Variants in KRCC1 observed in about 807,000 individuals in gnomAD.
KRCC1 encodes the protein lysine rich coiled-coil 1, also known as lysine-rich coiled-coil protein 1.
Under a neutral mutation model 7.4 loss-of-function variants are expected in KRCC1, and 3 were observed. The observed-to-expected ratio is 0.40, with a 90% CI of 0.18 to 1.04. The LOEUF (loss-of-function observed/expected upper bound fraction) is 1.04, where lower values mean the gene tolerates loss of function less well. Ranked by LOEUF, KRCC1 falls within the 50% of genes least tolerant of loss-of-function variation. The pLI, the probability that KRCC1 is intolerant of heterozygous loss-of-function variation, is 0.33. For synonymous variants in KRCC1, 102 were observed against 101.6 expected, an observed-to-expected ratio of 1.00 and a Z score of -0.02; for missense variants, 277 against 300.9, an observed-to-expected ratio of 0.92 and a Z score of 0.59.
At chr2:88,042,541 C>T (rs1367414783) in intron 1 of KRCC1, among the ~76,000 whole-genome samples, 1 of 151,970 alleles carries the variant, frequency 6.6e-6, no homozygotes, top group Admixed American at 6.6e-5. Flanking sequence ...CCTCAGCCAC[C>T]AGAATAGCTA....
chr2:88,049,543 G>T (rs1673421619), intron 1 of KRCC1, among the ~76,000 whole-genome samples: 1 of 152,190 alleles, frequency 6.6e-6, no homozygotes, highest in South Asian at 2.1e-4. Flanking sequence ...ACCTACTTAG[G>T]AGGCTGAGGT....
chr2:88,040,055 A>C (rs148097209), intron 1 of KRCC1, among the ~76,000 whole-genome samples: 12 of 152,280 alleles, frequency 7.9e-5, no homozygotes, highest in African/African-American at 2.6e-4. Flanking sequence ...GTGACAAACA[A>C]ATCAGAATAC....
At position 88,027,868 on chromosome 2, in the gene KRCC1, A is replaced by G. The variant is rs12999878; in HGVS notation, c.696T>C (p.Arg232=). ...GTTCCTTTTTCTTTTTTGTACGCTT[A>G]CGTTCCTCTTTCTTAGAGACTACAT... ...SRDVVSKKEE[R]KRTKKKKEQG... Residue 232 remains arginine (R), a synonymous_variant, in exon 4 of 4, where the codon CGT becomes CGC. Transcript: ENST00000347055. The G allele has an allele frequency of 1.8e-3, 2,938 of 1,613,416 alleles. 7 individuals are homozygous for G. Among genetic ancestry groups the G allele is most frequent in the Non-Finnish European group, 2.1e-3 (2,435 of 1,179,900 alleles).
At chr2:88,049,336 C>T (rs1387327846) in intron 1 of KRCC1, among the ~76,000 whole-genome samples, 2 of 152,176 alleles carry the variant, frequency 1.3e-5, no homozygotes, top group Non-Finnish European at 2.9e-5. Flanking sequence ...ATGCGCCATT[C>T]CTTCTAATGG....
chr2:88,049,858 A>G (rs1426298291), intron 1 of KRCC1, among the ~76,000 whole-genome samples: 1 of 152,224 alleles, frequency 6.6e-6, no homozygotes, highest in African/African-American at 2.4e-5. Flanking sequence ...CAGGCTGCCA[A>G]CTTCAGATCT....
chr2:88,051,186 A>C (rs1011793816), intron 1 of KRCC1, among the ~76,000 whole-genome samples: 2 of 151,940 alleles, frequency 1.3e-5, no homozygotes, highest in Admixed American at 6.6e-5. Flanking sequence ...TTGACCTCTC[A>C]AAGTGTTGGG....
chr2:88,027,886 G>A lies in KRCC1; in HGVS notation c.678C>T (p.Val226=). Residue 226 remains valine, a synonymous_variant, in exon 4 of 4, where the codon GTC becomes GTT. Transcript: ENST00000347055. The part of the protein sequence containing the change: ...NRKEKKSRDV[V]SKKEERKRTK... The stretch of plus-strand genomic sequence containing the variant: ...TACGCTTACGTTCCTCTTTCTTAGA[G>A]ACTACATCTCGGCTTTTTTTCTCCT... The A allele has an allele frequency of 6.2e-7, 1 of 1,613,918 alleles. No homozygotes were observed.
intron 1 of KRCC1, among the ~76,000 whole-genome samples, chr2:88,040,993 G>A (rs1673199534): frequency 6.6e-6 from 1 of 152,210 alleles, no homozygotes. Flanking sequence ...GTGAAAGACA[G>A]TGCTAAAGGT....
At chr2:88,047,917 T>C in intron 1 of KRCC1, among the ~76,000 whole-genome samples, 1 of 152,212 alleles carries the variant, frequency 6.6e-6, no homozygotes, top group Non-Finnish European at 1.5e-5. Flanking sequence ...AATTTGGTTA[T>C]ATTTTAGGTG....
intron 3 of KRCC1, among the ~76,000 whole-genome samples, chr2:88,032,788 T>A (rs1673019863): frequency 1.3e-5 from 2 of 152,188 alleles, no homozygotes; most frequent in South Asian, 2.1e-4. Flanking sequence ...AAAATAATTG[T>A]AATTCTTTTT....
intron 1 of KRCC1, among the ~76,000 whole-genome samples, chr2:88,044,401 C>CAAAAAAAAA (rs10527729): frequency 1.0e-4 from 15 of 146,632 alleles, no homozygotes; most frequent in Admixed American, 2.0e-4. Context: ...CAAAAGAAAA[C>CAAAAAAAAA]AAAAAAAAAA....
At chr2:88,043,068 C>T (rs747840735) in intron 1 of KRCC1, among the ~76,000 whole-genome samples, 1 of 152,174 alleles carries the variant, frequency 6.6e-6, no homozygotes, top group Non-Finnish European at 1.5e-5. Flanking sequence ...TTGTACTACA[C>T]TGAAGTCTTA....
At chr2:88,037,687 G>A (rs1475088796) in intron 1 of KRCC1, among the ~76,000 whole-genome samples, 1 of 152,206 alleles carries the variant, frequency 6.6e-6, no homozygotes, top group Non-Finnish European at 1.5e-5. Flanking sequence ...GGGATTACAG[G>A]CATGAGCCAC....
intron 3 of KRCC1, among the ~76,000 whole-genome samples, chr2:88,029,384 A>C (rs1172977855): frequency 6.6e-6 from 1 of 152,246 alleles, no homozygotes; most frequent in African/African-American, 2.4e-5. Flanking sequence ...GAGTACTGTA[A>C]GACTTAACAA....
At chr2:88,032,500 C>T (rs1053569474) in intron 3 of KRCC1, among the ~76,000 whole-genome samples, 12 of 152,090 alleles carry the variant, frequency 7.9e-5, no homozygotes, top group African/African-American at 2.7e-4. Flanking sequence ...TAAGTTATAC[C>T]ATCAGTCTAT....
chr2:88,050,546 CAGGG>C (rs1673452908), intron 1 of KRCC1, among the ~76,000 whole-genome samples: 2 of 152,166 alleles, frequency 1.3e-5, no homozygotes. Context: ...TCACTTGAAC[CAGGG>C]AGGGAGAGGT....
At position 88,027,684 on chromosome 2, in the gene KRCC1, A is replaced by AC; in HGVS notation, c.*99dup. 9.9e-7 allele frequency: 1 copy of AC among 1,007,038 alleles called. No homozygotes were observed. 62.4% of individuals were successfully genotyped at this position (1,007,038 alleles called of 1,614,324 possible). A position where few individuals can be genotyped will look rare whatever the true frequency, so the allele number is the denominator to read the frequency against. On this transcript the variant is annotated 3_prime_UTR_variant, in exon 4 of 4. Transcript: ENST00000347055. ...CTAGGCCTTTGTTAGAAGTTAAAGA[A>AC]CCTATTCACATAAGAAAAGTGGTAT...
At position 88,028,710 on chromosome 2, in the gene KRCC1, G is replaced by T. The variant is rs866494990; in HGVS notation, c.-22-125C>A. On this transcript the variant is annotated intron_variant, in intron 3 of 3. Transcript: ENST00000347055. ...TGTCGCCCAGACTAGAGTGCAGTGG[G>T]GTTGCTCTTGGGTCACTGCAACCTC... is the stretch of plus-strand genomic sequence containing the variant. The T allele has an allele frequency of 1.8e-4, 113 of 632,836 alleles. 1 individual carries two copies. The Middle Eastern group carries it at 7.5e-3, about 42-fold the overall frequency. 39.2% of individuals were successfully genotyped at this position (632,836 alleles called of 1,614,324 possible).
chr2:88,035,111 C>T (rs772936245), intron 2 of KRCC1, among the ~76,000 whole-genome samples: 3 of 152,128 alleles, frequency 2.0e-5, no homozygotes, highest in East Asian at 1.9e-4. Flanking sequence ...TAAAAGTTTA[C>T]GAATAGAATT....
Sources: gnomAD v4.1 joint callset for allele counts (sites outside exome capture counted in the v4.1 genomes callset) on GRCh38, gnomAD v4.1.1 for gene constraint, MANE v1.5 for transcripts, NCBI Gene and HGNC (gene_info 2026-07-23, HGNC 2026-07-21) for gene names.